Variants in PTPRD observed in about 807,000 individuals in gnomAD.
PTPRD encodes the protein protein tyrosine phosphatase receptor type D.
Under a neutral mutation model 214.5 loss-of-function variants are expected in PTPRD, and 34 were observed. The observed-to-expected ratio is 0.16, with a 90% confidence interval of 0.12 to 0.21. The LOEUF (loss-of-function observed/expected upper bound fraction) is 0.21. Ranked by LOEUF, PTPRD falls within the 10% of genes least tolerant of loss-of-function variation. The pLI, the probability that PTPRD is intolerant of heterozygous loss-of-function variation, is 1.00. For missense variants in PTPRD, 2,545 were observed against 2,398.7 expected, an observed-to-expected ratio of 1.06 and a Z score of -1.27; for synonymous variants, 1,128 against 845.7, an observed-to-expected ratio of 1.33 and a Z score of -5.79.
chr9:10,447,500 T>G (rs1204095756), intron 2 of PTPRD, among the ~76,000 whole-genome samples: 1 of 152,030 alleles, frequency 6.6e-6, no homozygotes, highest in Non-Finnish European at 1.5e-5. Flanking sequence ...TTTGCCAACA[T>G]TTTCTGAGAT....
chr9:9,237,380 T>C (rs1254489924), intron 9 of PTPRD, among the ~76,000 whole-genome samples: 2 of 152,112 alleles, frequency 1.3e-5, no homozygotes, highest in Non-Finnish European at 2.9e-5. Flanking sequence ...CAGTTAGCTA[T>C]GATCATGCCA....
chr9:10,181,311 A>C (rs572176878), intron 3 of PTPRD, among the ~76,000 whole-genome samples: 3 of 152,180 alleles, frequency 2.0e-5, no homozygotes, highest in Non-Finnish European at 4.4e-5. Context: ...TTCTAACATA[A>C]TAAAGGCTAC....
chr9:9,431,544 T>C (rs200345329), intron 8 of PTPRD, among the ~76,000 whole-genome samples: 2 of 152,236 alleles, frequency 1.3e-5, no homozygotes, highest in East Asian at 1.9e-4. Flanking sequence ...CCCAGCCATC[T>C]CATTACTGGG....
chr9:9,945,220 G>T (rs886677033), intron 4 of PTPRD, among the ~76,000 whole-genome samples: 1 of 152,048 alleles, frequency 6.6e-6, no homozygotes, highest in African/African-American at 2.4e-5. Context: ...ATGCCCGTTA[G>T]GCATTTGAAT....
chr9:9,464,401 T>A (rs147736697), intron 8 of PTPRD, among the ~76,000 whole-genome samples: 1 of 152,188 alleles, frequency 6.6e-6, no homozygotes, highest in Admixed American at 6.5e-5. Context: ...TAGATTTGTA[T>A]AGTTACTATC....
intron 11 of PTPRD, among the ~76,000 whole-genome samples, chr9:8,781,092 CT>C (rs113049220): frequency 2.5e-4 from 38 of 150,424 alleles, no homozygotes; most frequent in African/African-American, 6.6e-4. Context: ...TCACCAACCA[CT>C]TTTTTTTTTC....
chr9:10,164,852 T>C (rs1330789040), intron 3 of PTPRD, among the ~76,000 whole-genome samples: 1 of 149,534 alleles, frequency 6.7e-6, no homozygotes, highest in Non-Finnish European at 1.5e-5. Context: ...TCTAATGAGA[T>C]ATGCTGAGCT....
At chr9:9,932,269 A>G (rs2086970956) in intron 5 of PTPRD, among the ~76,000 whole-genome samples, 1 of 149,572 alleles carries the variant, frequency 6.7e-6, no homozygotes, top group African/African-American at 2.5e-5. Flanking sequence ...TCAGACGATC[A>G]AATTACTCTG....
chr9:9,920,481 T>C (rs1221960274), intron 5 of PTPRD, among the ~76,000 whole-genome samples: 1 of 152,170 alleles, frequency 6.6e-6, no homozygotes, highest in African/African-American at 2.4e-5. Context: ...AAGAACATTA[T>C]TATAAAAATA....
At chr9:9,136,300 T>C (rs774785856) in intron 10 of PTPRD, among the ~76,000 whole-genome samples, 4 of 152,290 alleles carry the variant, frequency 2.6e-5, no homozygotes, top group Non-Finnish European at 4.4e-5. Context: ...TAGATTAACA[T>C]GGCTTAATTA....
intron 15 of PTPRD, 97 bp from the exon 16 acceptor site, chr9:8,527,450 A>C (rs1302853930): frequency 1.9e-6 from 2 of 1,048,138 alleles, no homozygotes; most frequent in African/African-American, 1.6e-5. Context: ...AGCTTTATAT[A>C]CTAAATCATC....
At chr9:10,140,079 T>G (rs2098972617) in intron 3 of PTPRD, among the ~76,000 whole-genome samples, 1 of 151,982 alleles carries the variant, frequency 6.6e-6, no homozygotes, top group South Asian at 2.1e-4. Context: ...GCAAGAGAGT[T>G]TCTCTTGATG....
At chr9:8,327,982 G>C (rs1234472009) in intron 44 of PTPRD, among the ~76,000 whole-genome samples, 2 of 152,116 alleles carry the variant, frequency 1.3e-5, no homozygotes, top group African/African-American at 2.4e-5. Flanking sequence ...ATTGGCCAGT[G>C]TGTGTCTTTT....
At chr9:9,908,084 A>C (rs1272093679) in intron 5 of PTPRD, among the ~76,000 whole-genome samples, 2 of 152,020 alleles carry the variant, frequency 1.3e-5, no homozygotes, top group African/African-American at 4.8e-5. Context: ...TAAGACAAAA[A>C]AAAAAATCTT....
At chr9:8,995,028 G>T (rs1367666626) in intron 11 of PTPRD, among the ~76,000 whole-genome samples, 1 of 151,906 alleles carries the variant, frequency 6.6e-6, no homozygotes, top group Non-Finnish European at 1.5e-5. Flanking sequence ...AGCAAGTAAA[G>T]GAAACATAGG....
intron 2 of PTPRD, among the ~76,000 whole-genome samples, chr9:10,486,231 G>T (rs1054263697): frequency 6.6e-6 from 1 of 152,066 alleles, no homozygotes; most frequent in Non-Finnish European, 1.5e-5. Flanking sequence ...AATTGTTTCT[G>T]GGATTTTGTC....
chr9:9,734,511 C>T (rs2098258187), intron 7 of PTPRD, 22 bp downstream of exon 7: 1 of 151,464 alleles, frequency 6.6e-6, no homozygotes, highest in African/African-American at 2.4e-5. Flanking sequence ...GACTGAGAGT[C>T]CCAAAGAAAA....
intron 9 of PTPRD, among the ~76,000 whole-genome samples, chr9:9,362,513 T>C (rs1033445421): frequency 6.6e-5 from 10 of 151,158 alleles, no homozygotes; most frequent in African/African-American, 1.7e-4. Context: ...TGGTACTTCA[T>C]TGTCAACATT....
At chr9:9,892,266 G>GA in intron 5 of PTPRD, among the ~76,000 whole-genome samples, 1 of 152,158 alleles carries the variant, frequency 6.6e-6, no homozygotes, top group African/African-American at 2.4e-5. Context: ...AGCCAGATAA[G>GA]GCCTTATAGA....
Sources: gnomAD v4.1 joint callset for allele counts (sites outside exome capture counted in the v4.1 genomes callset) on GRCh38, gnomAD v4.1.1 for gene constraint, MANE v1.5 for transcripts, NCBI Gene and HGNC (gene_info 2026-07-23, HGNC 2026-07-21) for gene names.